The following A2M variants were observed in gnomAD, a reference collection of about 807,000 sequenced individuals.
The protein encoded by A2M is C3 and PZP-like alpha-2-macroglobulin domain-containing protein 5.
Under a neutral mutation model 183.9 loss-of-function variants are expected in A2M, and 128 were observed. The ratio of observed to expected loss-of-function variants is 0.70; its 90% CI spans 0.60 to 0.81. A2M has a LOEUF of 0.81. Ranked by LOEUF, A2M falls within the 30% of genes least tolerant of loss-of-function variation. The pLI, the probability that A2M is intolerant of heterozygous loss-of-function variation, is 0.00. For synonymous variants in A2M, 592 were observed against 670.8 expected (o/e 0.88, Z 1.81); for missense variants, 1,495 against 1,787.6 (o/e 0.84, Z 2.95).
At chr12:9,071,306 T>A (rs1051683979) in intron 31 of A2M, among the ~76,000 whole-genome samples, 14 of 152,344 alleles carry the variant, frequency 9.2e-5, no homozygotes, top group Non-Finnish European at 1.8e-4. Context: ...TAATGTTTAC[T>A]TAAACACTGG....
At position 9,100,775 on chromosome 12, in the gene A2M, T is replaced by C. The variant is rs759687627; in HGVS notation, c.1558+369A>G. ...CTCAGGAATGGAAAACCAAACATCA[T>C]ATCTTCTCACTCAGAAGTAGGAGCT... On this transcript the variant is annotated intron_variant, in intron 13 of 35. Transcript: ENST00000318602. Among the ~76,000 whole-genome samples, 6 of 152,302 alleles carry C rather than the reference T, an allele frequency of 3.9e-5. No individual in the cohort carries two copies. In the South Asian group the frequency reaches 6.2e-4, roughly 16 times the overall value.
intron 16 of A2M, 33 bp downstream of exon 16, chr12:9,095,506 A>C: frequency 6.3e-7 from 1 of 1,589,382 alleles, no homozygotes; most frequent in Admixed American, 1.7e-5. Context: ...TAAGAAGCTT[A>C]AGATCAGACC....
intron 18 of A2M, among the ~76,000 whole-genome samples, chr12:9,091,778 G>A (rs1243667988): frequency 6.6e-6 from 1 of 152,196 alleles, no homozygotes; most frequent in African/African-American, 2.4e-5. Flanking sequence ...GGGCCTGACT[G>A]AATCTGTATT....
intron 26 of A2M, 113 bp downstream of exon 26, chr12:9,077,588 G>A (rs1417341904): frequency 6.6e-7 from 1 of 1,524,520 alleles, no homozygotes. Flanking sequence ...GTGCCATCCA[G>A]GTTTTATTTT....
chr12:9,089,530 C>A (rs776756375), intron 21 of A2M, among the ~76,000 whole-genome samples: 2 of 152,094 alleles, frequency 1.3e-5, no homozygotes, highest in African/African-American at 2.4e-5. Context: ...CACTTGAGGC[C>A]AGGAGTTCGA....
chr12:9,090,153 A>T, intron 20 of A2M, 130 bp from the exon 21 acceptor site: 2 of 1,405,910 alleles, frequency 1.4e-6, no homozygotes, highest in Admixed American at 4.1e-5. Context: ...GAACGGAAAC[A>T]TGCAAATGAG....
chr12:9,077,584 TC>T lies in A2M; in HGVS notation c.3276+116del, dbSNP rs1369230852. On this transcript the variant is annotated intron_variant, in intron 26 of 35. Transcript: ENST00000318602. ...TTCTATCCCCTCTTTTTTGGTGCCA[TC>T]CAGGTTTTATTTTCCTCTGAGGCTT... is the stretch of plus-strand genomic sequence containing the variant. 2.6e-6 allele frequency: 4 copies of T among 1,517,542 alleles called. No homozygotes were observed. In the African/African-American group the frequency reaches 5.5e-5, roughly 21 times the overall value. The allele number at this position is 1,517,542 out of a possible 1,614,324, so 94.0% of individuals were successfully genotyped here.
At chr12:9,077,667 T>C (rs769692376) in intron 26 of A2M, 34 bp downstream of exon 26, 22 of 1,608,884 alleles carry the variant, frequency 1.4e-5, no homozygotes, top group Non-Finnish European at 1.9e-5. Flanking sequence ...GATATCATAA[T>C]GGACAAATCA....
chr12:9,068,241 C>T lies in A2M; in HGVS notation c.4367-17G>A. The T allele has an allele frequency of 6.3e-7, 1 of 1,596,408 alleles. No homozygotes were observed. The highest frequency in any genetic ancestry group is 8.5e-7 in the Non-Finnish European group (1 of 1,175,716). ...CAAACTCATCTGAAAAAAAAAAAAC[C>T]AACAAAAAACCAGAAATCATTACAT... On this transcript the variant is annotated splice_polypyrimidine_tract_variant and intron_variant, in intron 34 of 35. Transcript: ENST00000318602.
rs1475681310 is a variant in A2M, at chr12:9,085,452, T to C, written c.2770+3748A>G. Among the ~76,000 whole-genome samples the C allele has an allele frequency of 2.6e-5, 4 of 151,936 alleles. 1 individual carries two copies. The highest frequency in any genetic ancestry group is 1.3e-4 in the Admixed American group (2 of 15,250). The stretch of plus-strand genomic sequence containing the variant: ...AGAAATTTAAAAGGAAATTCAAAAA[T>C]ATCTTAAGACAAATGAACATGGAAA... On this transcript the variant is annotated intron_variant, in intron 22 of 35. Coordinates refer to ENST00000318602, the MANE Select transcript of A2M (RefSeq NM_000014.6).
intron 30 of A2M, 48 bp from the exon 31 acceptor site, chr12:9,072,534 T>C (rs979060256): frequency 5.0e-6 from 8 of 1,602,842 alleles, no homozygotes; most frequent in Non-Finnish European, 6.8e-6. Context: ...TTCCCAGAAT[T>C]CCTGTCCACG....
chr12:9,079,386 G>A (rs1948840435), intron 24 of A2M, 55 bp from the exon 25 acceptor site: 1 of 1,528,400 alleles, frequency 6.5e-7, no homozygotes, highest in Middle Eastern at 1.7e-4. Context: ...TGCTGAGGGT[G>A]GAGAAATTAC....
At chr12:9,070,204 C>A (rs961816044) in intron 32 of A2M, among the ~76,000 whole-genome samples, 1 of 151,982 alleles carries the variant, frequency 6.6e-6, no homozygotes, top group Non-Finnish European at 1.5e-5. Context: ...TTCACTGGTT[C>A]GTGTTCATAT....
Position 9,113,385 on chromosome 12 carries a change from T to C in A2M, c.245A>G (p.Asp82Gly), listed in dbSNP as rs2137990572. Residue 82 changes from aspartate to glycine, a missense_variant, in exon 2 of 36, where the codon GAC becomes GGC. Coordinates refer to ENST00000318602, the MANE Select transcript of A2M (RefSeq NM_000014.6). ...AGCGAAGGCGACACAGTGGAGTACG[T>C]CATTCTCCGCCTCCAGGTCAGTGAA... ...SLFTDLEAENDVLHCVAFAVP... is the reference protein window; with the variant it reads ...SLFTDLEAENGVLHCVAFAVP... The C allele has an allele frequency of 6.2e-7, 1 of 1,613,438 alleles. No individual in the cohort carries two copies. Among genetic ancestry groups the C allele is most frequent in the Non-Finnish European group, 8.5e-7 (1 of 1,179,860 alleles).
chr12:9,077,014 A>G, intron 27 of A2M, 78 bp from the exon 28 acceptor site: 2 of 1,392,138 alleles, frequency 1.4e-6, no homozygotes, highest in Non-Finnish European at 1.9e-6. Flanking sequence ...CACGGATCAC[A>G]GCACAGAAGT....
rs757202804 is a variant in A2M at position 9,077,819 on chromosome 12, C to T, written c.3158G>A (p.Arg1053Gln). 10 of 1,614,086 alleles carry T rather than the reference C, an allele frequency of 6.2e-6. No individual in the cohort carries two copies. The highest frequency in any genetic ancestry group is 2.2e-5 in the East Asian group (1 of 44,872). ...AFVLKTFAQARAYIFIDEAHI... is the reference protein window; with the variant it reads ...AFVLKTFAQAQAYIFIDEAHI... ...TGCTTCATCGATGAAGATGTAGGCT[C>T]GAGCTTGGGCAAAAGTCTTCAGAAC... The change falls in exon 26 of 36, where the codon CGA becomes CAA. Residue 1053 changes from arginine (R) to glutamine (Q), a missense_variant. Transcript: ENST00000318602.
At chr12:9,085,079 T>G (rs150664907) in intron 22 of A2M, among the ~76,000 whole-genome samples, 1 of 152,182 alleles carries the variant, frequency 6.6e-6, no homozygotes, top group African/African-American at 2.4e-5. Context: ...TGCAGTAATA[T>G]CAGGGAATTT....
chr12:9,082,773 C>T (rs1219752118), intron 22 of A2M, among the ~76,000 whole-genome samples: 5 of 152,140 alleles, frequency 3.3e-5, no homozygotes, highest in African/African-American at 1.2e-4. Flanking sequence ...ATTCAGTGGA[C>T]TACAAGAATA....
At chr12:9,078,458 A>C (rs2137697003) in intron 25 of A2M, among the ~76,000 whole-genome samples, 1 of 152,280 alleles carries the variant, frequency 6.6e-6, no homozygotes, top group Admixed American at 6.5e-5. Context: ...CATTTGGGTT[A>C]GTTCCATGAC....
Sources: gnomAD v4.1 joint callset for allele counts (sites outside exome capture counted in the v4.1 genomes callset) on GRCh38, gnomAD v4.1.1 for gene constraint, MANE v1.5 for transcripts, NCBI Gene and HGNC (gene_info 2026-07-23, HGNC 2026-07-21) for gene names.